Variants in HIVEP3 observed in about 807,000 individuals in gnomAD.
HIVEP3 encodes HIVEP zinc finger 3, also known as transcription factor HIVEP3.
Under a neutral mutation model 152.8 loss-of-function variants are expected in HIVEP3, and 49 were observed. The ratio of observed to expected loss-of-function variants is 0.32; its 90% CI spans 0.26 to 0.41. HIVEP3 has a LOEUF of 0.41. Among genes scored for constraint, HIVEP3 ranks in the 10% least tolerant of loss-of-function variants. The pLI, the probability that HIVEP3 is intolerant of heterozygous loss-of-function variation, is 1.00. For synonymous variants in HIVEP3, 1,269 were observed against 1,289.0 expected, an observed-to-expected ratio of 0.98 and a Z score of 0.33; for missense variants, 2,790 against 3,103.3, an observed-to-expected ratio of 0.90 and a Z score of 2.40.
At chr1:41,661,887 G>C (rs908832175) in intron 2 of HIVEP3, among the ~76,000 whole-genome samples, 2 of 152,212 alleles carry the variant, frequency 1.3e-5, no homozygotes, top group African/African-American at 2.4e-5. Flanking sequence ...GGTGACAGAA[G>C]TAGTGTCTGG....
intron 1 of HIVEP3, among the ~76,000 whole-genome samples, chr1:41,815,763 T>C (rs1218193126): frequency 6.6e-6 from 1 of 151,964 alleles, no homozygotes; most frequent in Non-Finnish European, 1.5e-5. Context: ...GTTTTTTTTT[T>C]TTTTATTGTT....
intron 1 of HIVEP3, among the ~76,000 whole-genome samples, chr1:41,758,281 C>T (rs1647448892): frequency 6.6e-6 from 1 of 152,028 alleles, no homozygotes; most frequent in Non-Finnish European, 1.5e-5. Context: ...ATAGTGAGGC[C>T]CCCTATAAGC....
intron 1 of HIVEP3, among the ~76,000 whole-genome samples, chr1:42,004,435 T>C (rs1482190377): frequency 1.3e-5 from 2 of 152,182 alleles, no homozygotes; most frequent in African/African-American, 4.8e-5. Flanking sequence ...ATTACTTTTG[T>C]ATATCACCGT....
At chr1:41,879,077 A>G (rs1017600953) in intron 1 of HIVEP3, among the ~76,000 whole-genome samples, 8 of 152,044 alleles carry the variant, frequency 5.3e-5, no homozygotes, top group African/African-American at 1.9e-4. Context: ...CTGGGCCCCT[A>G]CTAGAAATCC....
At chr1:41,773,745 G>A (rs1648521596) in intron 1 of HIVEP3, among the ~76,000 whole-genome samples, 1 of 152,224 alleles carries the variant, frequency 6.6e-6, no homozygotes, top group Non-Finnish European at 1.5e-5. Flanking sequence ...AGGTTGCCTG[G>A]TGATGCTGAG....
Position 41,510,705 on chromosome 1 carries a change from G to T in HIVEP3, c.6967C>A (p.Arg2323=), listed in dbSNP as rs775280539. 6.5e-7 allele frequency: 1 copy of T among 1,526,768 alleles called. No homozygotes were observed. Among genetic ancestry groups the T allele is most frequent in the South Asian group, 1.2e-5 (1 of 81,014 alleles). 94.6% of individuals were successfully genotyped at this position (1,526,768 alleles called of 1,614,324 possible). ...DTLPRPPQGR[R]AAQSWSPRLE... ...CGGGGGCTCCAGGACTGCGCTGCCC[G>T]GCGTCCCTGGGGCGGCCGGGGCAAG... The change falls in exon 9 of 9, where the codon CGG becomes AGG. Residue 2323 remains arginine (R), a synonymous_variant. Coordinates refer to ENST00000372583, the MANE Select transcript of HIVEP3 (RefSeq NM_024503.5).
intron 2 of HIVEP3, among the ~76,000 whole-genome samples, chr1:41,678,663 C>T (rs886553360): frequency 8.5e-5 from 13 of 152,140 alleles, no homozygotes; most frequent in Non-Finnish European, 1.6e-4. Flanking sequence ...AGAGAAACCC[C>T]AGCCCCCTTG....
chr1:41,711,020 G>A (rs72669092), intron 1 of HIVEP3, among the ~76,000 whole-genome samples: 2,139 of 152,340 alleles, frequency 0.014, 29 homozygotes, highest in Non-Finnish European at 0.02. Flanking sequence ...GTAGTGCCTC[G>A]AAGATGTCCC....
chr1:41,888,854 C>T (rs1644397096), intron 1 of HIVEP3, among the ~76,000 whole-genome samples: 1 of 144,976 alleles, frequency 6.9e-6, no homozygotes, highest in Non-Finnish European at 1.5e-5. Flanking sequence ...CCCCATACCA[C>T]ATACCTCACA....
intron 1 of HIVEP3, among the ~76,000 whole-genome samples, chr1:41,747,510 A>G (rs1647090861): frequency 6.6e-6 from 1 of 152,248 alleles, no homozygotes; most frequent in Non-Finnish European, 1.5e-5. Flanking sequence ...AAATTTCAGA[A>G]AGTATAAAAA....
chr1:41,527,190 ACTCC>A (rs1642989397), intron 5 of HIVEP3, among the ~76,000 whole-genome samples: 1 of 51,434 alleles, frequency 1.9e-5, no homozygotes, highest in Non-Finnish European at 4.1e-5. Flanking sequence ...ACTCACCTTC[ACTCC>A]CACTCCCACA....
intron 5 of HIVEP3, among the ~76,000 whole-genome samples, chr1:41,567,035 T>A (rs1039826240): frequency 2.6e-5 from 4 of 152,176 alleles, no homozygotes; most frequent in Non-Finnish European, 4.4e-5. Flanking sequence ...AATTGCCAAA[T>A]GTCTCCCTGA....
chr1:41,928,060 CA>C (rs10660316), intron 1 of HIVEP3, among the ~76,000 whole-genome samples: 18,985 of 85,432 alleles, frequency 0.22, 1,048 homozygotes, highest in African/African-American at 0.37. Context: ...GACTCCATCT[CA>C]AAAAAAAAAA....
At chr1:41,832,108 T>C (rs1290770482) in intron 1 of HIVEP3, among the ~76,000 whole-genome samples, 1 of 152,132 alleles carries the variant, frequency 6.6e-6, no homozygotes, top group Admixed American at 6.6e-5. Flanking sequence ...TATTTCTAGG[T>C]GATGTTGATG....
At position 41,724,071 on chromosome 1, in the gene HIVEP3, G is replaced by C. The variant is rs12567875; in HGVS notation, c.-800-23076C>G. Among the ~76,000 whole-genome samples, 210 of 152,258 alleles carry C rather than the reference G, an allele frequency of 1.4e-3. 1 individual carries two copies. The highest frequency in any genetic ancestry group is 4.3e-3 in the African/African-American group (178 of 41,530). On this transcript the variant is annotated intron_variant, in intron 1 of 8. Transcript: ENST00000372583. ...TCTCTTGCGATAATAATATCATGAG[G>C]GGGGAGGGGCAGCTCGAGGATGAAT...
At chr1:41,886,793 C>G (rs1360353319) in intron 1 of HIVEP3, among the ~76,000 whole-genome samples, 1 of 147,190 alleles carries the variant, frequency 6.8e-6, no homozygotes, top group East Asian at 2.1e-4. Flanking sequence ...GAGCATAGAA[C>G]TTTCTTCCAG....
intron 1 of HIVEP3, among the ~76,000 whole-genome samples, chr1:41,824,783 A>G (rs1268102512): frequency 0.025 from 303 of 11,950 alleles, 10 homozygotes; most frequent in African/African-American, 0.054. Flanking sequence ...ATATATATAT[A>G]TAGAGAGAGA....
chr1:41,695,003 G>A (rs1646250968), intron 2 of HIVEP3, among the ~76,000 whole-genome samples: 1 of 152,182 alleles, frequency 6.6e-6, no homozygotes, highest in Non-Finnish European at 1.5e-5. Flanking sequence ...ATGCTATACA[G>A]AGTCAAAGAG....
In HIVEP3 at chr1:41,810,858, A is replaced by T. The variant is rs183027156; in HGVS notation, c.-801+107555T>A. Among the ~76,000 whole-genome samples the T allele has an allele frequency of 2.4e-3, 346 of 141,460 alleles. 2 individuals are homozygous for T. Among genetic ancestry groups the T allele is most frequent in the Non-Finnish European group, 1.3e-3 (83 of 63,350 alleles). The allele number at this position is 141,460 out of a possible 152,430, so 92.8% of individuals were successfully genotyped here. A position where few individuals can be genotyped will look rare whatever the true frequency, so the allele number is the denominator to read the frequency against. On this transcript the variant is annotated intron_variant, in intron 1 of 8. Coordinates refer to ENST00000372583, the MANE Select transcript of HIVEP3 (RefSeq NM_024503.5). ...ATAGTGTGGATCTCTTTAAGAAGCC[A>T]GGTGGCCTATGTGGCATGTGGCTTA...
Sources: gnomAD v4.1 joint callset for allele counts (sites outside exome capture counted in the v4.1 genomes callset) on GRCh38, gnomAD v4.1.1 for gene constraint, MANE v1.5 for transcripts, NCBI Gene and HGNC (gene_info 2026-07-23, HGNC 2026-07-21) for gene names.